The following TAMM41 variants were observed in gnomAD, a reference collection of about 807,000 sequenced individuals.
TAMM41 encodes TAM41 mitochondrial translocator assembly and maintenance homolog.
TAMM41 carries 36 observed loss-of-function variants against 44.1 expected under a neutral mutation model. The observed-to-expected ratio is 0.82, with a 90% CI of 0.63 to 1.08. The LOEUF (loss-of-function observed/expected upper bound fraction) is 1.08, where lower values mean the gene tolerates loss of function less well. TAMM41 is among the 50% of genes least tolerant of loss of function. The probability of loss-of-function intolerance (pLI) is 0.00; values close to 1 mark genes in which losing one functional copy is unlikely to be tolerated. For synonymous variants in TAMM41, 164 were observed against 153.1 expected (o/e 1.07, Z -0.53); for missense variants, 417 against 404.3 (o/e 1.03, Z -0.27).
chr3:11,791,721 C>T (rs1498092), intron 7 of TAMM41, among the ~76,000 whole-genome samples: 39,230 of 152,028 alleles, frequency 0.26, 6,170 homozygotes, highest in Admixed American at 0.39. Context: ...CCACTTAGAG[C>T]CTTGGAAAAG....
the TAMM41 span, among the ~76,000 whole-genome samples, chr3:11,764,483 A>ATTTTTTTTTTT: frequency 1.6e-4 from 14 of 86,366 alleles, no homozygotes; most frequent in Non-Finnish European, 2.6e-4. Context: ...CCATAATCTT[A>ATTTTTTTTTTT]TTCTTTTTTT....
chr3:11,732,194 C>G, the TAMM41 span, among the ~76,000 whole-genome samples: 8 of 152,128 alleles, frequency 5.3e-5, no homozygotes, highest in African/African-American at 1.9e-4. Flanking sequence ...TTCCTTCCTC[C>G]ATGTCTCCCT....
At chr3:11,782,954 G>A in the TAMM41 span, among the ~76,000 whole-genome samples, 2 of 152,200 alleles carry the variant, frequency 1.3e-5, no homozygotes, top group Non-Finnish European at 2.9e-5. Context: ...AGGACTCGGA[G>A]CTTGAAGACT....
chr3:11,729,539 A>ATTTTTTTTTTTTTTTTTTTTTTT, the TAMM41 span, among the ~76,000 whole-genome samples: 1 of 32,272 alleles, frequency 3.1e-5, no homozygotes, highest in Non-Finnish European at 6.8e-5. Context: ...TCTTTCTTTC[A>ATTTTTTTTTTTTTTTTTTTTTTT]TTTTTTTTTT....
the TAMM41 span, among the ~76,000 whole-genome samples, chr3:11,768,021 G>A: frequency 6.6e-6 from 1 of 151,342 alleles, no homozygotes; most frequent in Non-Finnish European, 1.5e-5. Context: ...GTGAATAGGT[G>A]TGAAGTGGCA....
At chr3:11,825,905 G>A (rs182239253) in intron 4 of TAMM41, among the ~76,000 whole-genome samples, 2 of 152,130 alleles carry the variant, frequency 1.3e-5, no homozygotes, top group African/African-American at 4.8e-5. Context: ...GTGAGCCACA[G>A]CACCCTGCAA....
At chr3:11,844,899 G>A (rs1237064545) in intron 1 of TAMM41, 3 of 456,498 alleles carry the variant, frequency 6.6e-6, no homozygotes, top group Non-Finnish European at 1.3e-5. Context: ...ACTGCACTCA[G>A]CATAGGGATC....
At chr3:11,747,528 G>T in the TAMM41 span, among the ~76,000 whole-genome samples, 1 of 152,096 alleles carries the variant, frequency 6.6e-6, no homozygotes, top group Non-Finnish European at 1.5e-5. Context: ...CAGAACTTCA[G>T]GAGGCCGAGG....
chr3:11,802,625 A>G (rs980903804), intron 7 of TAMM41, among the ~76,000 whole-genome samples: 2 of 152,210 alleles, frequency 1.3e-5, no homozygotes, highest in East Asian at 1.9e-4. Context: ...CCAAACACAG[A>G]AAGAATGAAT....
chr3:11,778,596 A>T, the TAMM41 span, among the ~76,000 whole-genome samples: 1 of 152,158 alleles, frequency 6.6e-6, no homozygotes, highest in East Asian at 1.9e-4. Context: ...TCTGTAAAAT[A>T]ACACTTGTTT....
At chr3:11,784,796 CTTTT>C in the TAMM41 span, among the ~76,000 whole-genome samples, 4,674 of 108,856 alleles carry the variant, frequency 0.043, 87 homozygotes, top group South Asian at 0.067. Flanking sequence ...CTTTTCTTTT[CTTTT>C]TTTTTTTTTT....
chr3:11,775,403 C>T, the TAMM41 span, among the ~76,000 whole-genome samples: 2 of 152,174 alleles, frequency 1.3e-5, no homozygotes, highest in African/African-American at 4.8e-5. Context: ...AACAACTTAC[C>T]CCTCGACTGT....
chr3:11,784,184 T>C, the TAMM41 span, among the ~76,000 whole-genome samples: 1 of 152,190 alleles, frequency 6.6e-6, no homozygotes, highest in African/African-American at 2.4e-5. Context: ...AAAGATGCCG[T>C]ATCTACTGTG....
chr3:11,748,061 G>C, the TAMM41 span, among the ~76,000 whole-genome samples: 1 of 151,432 alleles, frequency 6.6e-6, no homozygotes, highest in Admixed American at 6.6e-5. Flanking sequence ...TTTTTGTAGA[G>C]ATAAGGTTTC....
intron 4 of TAMM41, among the ~76,000 whole-genome samples, chr3:11,827,482 G>A (rs2078804172): frequency 6.6e-6 from 1 of 151,360 alleles, no homozygotes. Flanking sequence ...ACTAATTTTT[G>A]TATTTTAGTA....
chr3:11,741,809 G>A, the TAMM41 span, among the ~76,000 whole-genome samples: 30 of 150,050 alleles, frequency 2.0e-4, 3 homozygotes, highest in African/African-American at 6.6e-4. Flanking sequence ...TGGTGCTTAA[G>A]GTCGTTATTA....
the TAMM41 span, among the ~76,000 whole-genome samples, chr3:11,774,900 G>A: frequency 1.5e-5 from 2 of 136,640 alleles, no homozygotes; most frequent in Middle Eastern, 4.1e-3. Flanking sequence ...ACGGAGTCTC[G>A]CTTTGTTACC....
chr3:11,754,708 CTTTTTT>C, the TAMM41 span, among the ~76,000 whole-genome samples: 16 of 103,544 alleles, frequency 1.5e-4, no homozygotes, highest in Middle Eastern at 7.7e-3. Flanking sequence ...TCTCAGATCT[CTTTTTT>C]TTTTTTTTTT....
the TAMM41 span, among the ~76,000 whole-genome samples, chr3:11,759,974 CA>C: frequency 0.69 from 103,587 of 150,864 alleles, 36,263 homozygotes; most frequent in Non-Finnish European, 0.78. Context: ...AACTCCATCT[CA>C]AAAAAAAAGA....
Sources: gnomAD v4.1 joint callset for allele counts (sites outside exome capture counted in the v4.1 genomes callset) on GRCh38, gnomAD v4.1.1 for gene constraint, MANE v1.5 for transcripts, NCBI Gene and HGNC (gene_info 2026-07-23, HGNC 2026-07-21) for gene names.